The following DIAPH3 variants were observed in gnomAD, a reference collection of about 807,000 sequenced individuals.
The protein encoded by DIAPH3 is protein diaphanous homolog 3.
Under a neutral mutation model 144.3 loss-of-function variants are expected in DIAPH3, and 117 were observed. That is an observed-to-expected ratio of 0.81 (90% confidence interval 0.70 to 0.95). The LOEUF is 0.95. Among genes scored for constraint, DIAPH3 ranks in the 40% least tolerant of loss-of-function variants. The probability of loss-of-function intolerance (pLI) is 0.00; values close to 1 mark genes in which losing one functional copy is unlikely to be tolerated. For synonymous variants in DIAPH3, 519 were observed against 488.9 expected, an observed-to-expected ratio of 1.06 and a Z score of -0.81; for missense variants, 1,421 against 1,412.7, an observed-to-expected ratio of 1.01 and a Z score of -0.09.
intron 25 of DIAPH3, among the ~76,000 whole-genome samples, chr13:59,785,501 A>T (rs1248008488): frequency 1.3e-5 from 2 of 152,336 alleles, no homozygotes; most frequent in Admixed American, 1.3e-4. Flanking sequence ...AGATGAGGAT[A>T]ATAATAGTAT....
intron 25 of DIAPH3, among the ~76,000 whole-genome samples, chr13:59,800,219 C>A (rs1237581516): frequency 6.6e-6 from 1 of 152,190 alleles, no homozygotes; most frequent in Non-Finnish European, 1.5e-5. Flanking sequence ...TATCTCTAAG[C>A]GTTCCTCAGT....
chr13:59,944,510 C>A (rs1455119555), intron 17 of DIAPH3, among the ~76,000 whole-genome samples: 2 of 152,060 alleles, frequency 1.3e-5, no homozygotes, highest in Non-Finnish European at 2.9e-5. Context: ...AAGCTTTAGG[C>A]ATTTGCAGTT....
chr13:59,929,238 C>T (rs117268399), intron 17 of DIAPH3, among the ~76,000 whole-genome samples: 250 of 152,266 alleles, frequency 1.6e-3, no homozygotes, highest in Non-Finnish European at 2.5e-3. Flanking sequence ...AAGGGATATT[C>T]AACCTGTATA....
At chr13:60,007,312 A>G (rs1439609704) in intron 9 of DIAPH3, among the ~76,000 whole-genome samples, 3 of 152,154 alleles carry the variant, frequency 2.0e-5, no homozygotes, top group Admixed American at 2.0e-4. Flanking sequence ...CAGCCTCCCA[A>G]AGTGCTAGGA....
intron 4 of DIAPH3, among the ~76,000 whole-genome samples, chr13:60,087,988 G>A (rs965941524): frequency 2.6e-5 from 4 of 152,024 alleles, no homozygotes; most frequent in African/African-American, 9.7e-5. Context: ...CATTCAGAAG[G>A]GCTTTTAATT....
chr13:59,714,276 C>T (rs1031899717), intron 27 of DIAPH3, among the ~76,000 whole-genome samples: 8 of 144,192 alleles, frequency 5.5e-5, no homozygotes, highest in Non-Finnish European at 9.0e-5. Context: ...AGGAGAATGG[C>T]GTGAACCCGG....
At chr13:59,724,414 G>C (rs1276848576) in intron 27 of DIAPH3, among the ~76,000 whole-genome samples, 1 of 152,012 alleles carries the variant, frequency 6.6e-6, no homozygotes, top group Non-Finnish European at 1.5e-5. Flanking sequence ...GGTAATCCAC[G>C]GCCTTATAAA....
At chr13:60,127,772 G>A (rs1445711344) in intron 2 of DIAPH3, among the ~76,000 whole-genome samples, 1 of 152,072 alleles carries the variant, frequency 6.6e-6, no homozygotes, top group African/African-American at 2.4e-5. Context: ...GAACCTTTTG[G>A]GGTGATGGAA....
At chr13:59,916,054 T>C (rs2047201845) in intron 19 of DIAPH3, 101 bp downstream of exon 19, 2 of 979,000 alleles carry the variant, frequency 2.0e-6, no homozygotes, top group Middle Eastern at 2.1e-4. Context: ...GATTTTCCAG[T>C]TGAATGATTT....
At chr13:59,722,311 T>C (rs1043575004) in intron 27 of DIAPH3, among the ~76,000 whole-genome samples, 1 of 152,216 alleles carries the variant, frequency 6.6e-6, no homozygotes, top group Non-Finnish European at 1.5e-5. Flanking sequence ...TAATAAAATA[T>C]GATTATTACT....
chr13:59,896,193 T>C (rs575479827), intron 20 of DIAPH3, among the ~76,000 whole-genome samples: 2 of 152,322 alleles, frequency 1.3e-5, no homozygotes, highest in East Asian at 3.9e-4. Context: ...TGAGTTTCTG[T>C]TCTTATAACC....
chr13:59,994,219 G>C (rs2052039939), intron 9 of DIAPH3, among the ~76,000 whole-genome samples: 4 of 151,898 alleles, frequency 2.6e-5, no homozygotes, highest in Admixed American at 2.6e-4. Context: ...TTTGCCATTA[G>C]CATGGCTTAC....
chr13:59,843,900 T>C (rs1386244301), intron 22 of DIAPH3, among the ~76,000 whole-genome samples: 1 of 152,070 alleles, frequency 6.6e-6, no homozygotes, highest in Non-Finnish European at 1.5e-5. Context: ...ATCTGAATAA[T>C]GGGAACACAT....
intron 27 of DIAPH3, among the ~76,000 whole-genome samples, chr13:59,766,112 T>C (rs2037848121): frequency 6.6e-6 from 1 of 152,202 alleles, no homozygotes; most frequent in African/African-American, 2.4e-5. Flanking sequence ...TGACTCTGCT[T>C]GGCTGGTGCT....
chr13:59,809,479 G>T (rs1482127086), intron 25 of DIAPH3, among the ~76,000 whole-genome samples: 2 of 147,340 alleles, frequency 1.4e-5, no homozygotes, highest in Non-Finnish European at 3.0e-5. Context: ...TCCAGCCTGG[G>T]CAAGAAGAGC....
rs144342491 is a variant in DIAPH3, at chr13:60,126,781, TAA to T, written c.213+6174_213+6175del. Among the ~76,000 whole-genome samples the T allele has an allele frequency of 9.7e-4, 148 of 152,182 alleles. 3 individuals carry two copies. The East Asian group carries it at 0.026, about 27-fold the overall frequency. ...AACCCCTAAATATTTGGAAGTTAAA[TAA>T]CATATACCAAAATAACCCATGGGTC... On this transcript the variant is annotated intron_variant, in intron 2 of 27. Coordinates refer to ENST00000400324, the MANE Select transcript of DIAPH3 (RefSeq NM_001042517.2).
intron 25 of DIAPH3, among the ~76,000 whole-genome samples, chr13:59,784,019 C>T (rs1198876610): frequency 6.6e-6 from 1 of 152,140 alleles, no homozygotes; most frequent in African/African-American, 2.4e-5. Flanking sequence ...TTTATAGCTC[C>T]TTCTTTTACT....
intron 20 of DIAPH3, among the ~76,000 whole-genome samples, chr13:59,896,947 C>A (rs2046136963): frequency 6.6e-6 from 1 of 152,146 alleles, no homozygotes; most frequent in South Asian, 2.1e-4. Flanking sequence ...ACCTTTATGT[C>A]AACCCCTATA....
intron 4 of DIAPH3, among the ~76,000 whole-genome samples, chr13:60,080,451 ACTTT>A (rs1566747551): frequency 1.3e-5 from 2 of 151,908 alleles, no homozygotes; most frequent in African/African-American, 4.8e-5. Flanking sequence ...TTCAGAATTC[ACTTT>A]CTAATTTGAA....
Sources: allele counts gnomAD v4.1 joint callset (sites outside exome capture counted in the v4.1 genomes callset), GRCh38; gene constraint gnomAD v4.1.1; transcripts MANE v1.5; gene names NCBI Gene and HGNC (gene_info 2026-07-23, HGNC 2026-07-21).